The following SPHKAP variants were observed in gnomAD, a reference collection of about 807,000 sequenced individuals.
The protein encoded by SPHKAP is A-kinase anchor protein SPHKAP.
Under a neutral mutation model 137.5 loss-of-function variants are expected in SPHKAP, and 67 were observed. The observed-to-expected ratio is 0.49, with a 90% CI of 0.40 to 0.60. The LOEUF is 0.60. SPHKAP is among the 20% of genes least tolerant of loss of function. The pLI is 0.00. For synonymous variants in SPHKAP, 813 were observed against 785.3 expected (o/e 1.04, Z -0.59); for missense variants, 2,097 against 2,069.3 (o/e 1.01, Z -0.26).
intron 3 of SPHKAP, among the ~76,000 whole-genome samples, chr2:228,040,379 G>T (rs977634969): frequency 2.0e-5 from 3 of 152,136 alleles, no homozygotes; most frequent in Admixed American, 2.0e-4. Context: ...TAAAGAATAT[G>T]ACATTTTCTG....
intron 1 of SPHKAP, among the ~76,000 whole-genome samples, chr2:228,158,029 T>A (rs553150507): frequency 7.9e-5 from 12 of 152,308 alleles, no homozygotes; most frequent in African/African-American, 2.9e-4. Flanking sequence ...TGAAGCTCAC[T>A]GTGACTGACA....
intron 8 of SPHKAP, chr2:227,994,110 C>T (rs1693531161): frequency 1.0e-6 from 1 of 984,028 alleles, no homozygotes; most frequent in African/African-American, 1.7e-5. Context: ...TTCTCAGGGA[C>T]ATTCCATAGG....
intron 3 of SPHKAP, among the ~76,000 whole-genome samples, chr2:228,056,451 G>A (rs956267949): frequency 6.6e-6 from 1 of 152,110 alleles, no homozygotes; most frequent in Non-Finnish European, 1.5e-5. Flanking sequence ...TTATGGTGAA[G>A]TCGTGGCATA....
chr2:227,983,936 T>G (rs1388320875), intron 11 of SPHKAP, among the ~76,000 whole-genome samples: 1 of 152,052 alleles, frequency 6.6e-6, no homozygotes, highest in Non-Finnish European at 1.5e-5. Flanking sequence ...GGGTGAGATG[T>G]GGGGCTGCTT....
At chr2:228,092,332 C>T (rs545376348) in intron 3 of SPHKAP, among the ~76,000 whole-genome samples, 94 of 142,578 alleles carry the variant, frequency 6.6e-4, no homozygotes, top group Middle Eastern at 3.6e-3. Context: ...CGTACACACA[C>T]ACGTGTATGT....
intron 3 of SPHKAP, among the ~76,000 whole-genome samples, chr2:228,082,780 A>G (rs1309945411): frequency 6.6e-6 from 1 of 151,994 alleles, no homozygotes; most frequent in Non-Finnish European, 1.5e-5. Context: ...AGAAAATAAT[A>G]CTCTTTACCC....
chr2:228,075,339 C>T (rs930369122), intron 3 of SPHKAP, among the ~76,000 whole-genome samples: 1 of 152,080 alleles, frequency 6.6e-6, no homozygotes. Flanking sequence ...CCCTTGTTAA[C>T]TTATATCCTG....
chr2:228,089,626 A>C (rs1157170138), intron 3 of SPHKAP, among the ~76,000 whole-genome samples: 1 of 152,222 alleles, frequency 6.6e-6, no homozygotes, highest in Admixed American at 6.5e-5. Context: ...TTCCCATCAC[A>C]GGCCCAGAGG....
rs1351606960 is a variant in SPHKAP, at chr2:228,015,782, T to C, written c.4448+624A>G. 2.6e-5 allele frequency among the ~76,000 whole-genome samples: 4 copies of C among 151,946 alleles called. No individual in the cohort carries two copies. The East Asian group carries it at 7.7e-4, about 29-fold the overall frequency. On this transcript the variant is annotated intron_variant, in intron 7 of 11. Coordinates refer to ENST00000392056, the MANE Select transcript of SPHKAP (RefSeq NM_001142644.2). ...GACACAGTGTCCTTGGCAAGATCTT[T>C]AGAAAAAGACAAAAAACAAAAACAG...
intron 3 of SPHKAP, among the ~76,000 whole-genome samples, chr2:228,108,330 G>T (rs964649909): frequency 2.0e-5 from 3 of 152,116 alleles, no homozygotes; most frequent in African/African-American, 7.2e-5. Context: ...GGAAAAGAAA[G>T]TTTTGTATGT....
chr2:228,096,663 TG>T lies in SPHKAP; in HGVS notation c.246+12168del, dbSNP rs1697994135. Among the ~76,000 whole-genome samples the T allele has an allele frequency of 1.1e-4, 17 of 149,022 alleles. No homozygotes were observed. The East Asian group carries it at 3.3e-3, about 29-fold the overall frequency. On this transcript the variant is annotated intron_variant, in intron 3 of 11. Coordinates refer to ENST00000392056, the MANE Select transcript of SPHKAP (RefSeq NM_001142644.2). ...GTGTGTGTGTGTGTGTGTGTGTGTG[TG>T]TGTCTGCGTGTGTGTCCACTAACAT...
intron 5 of SPHKAP, among the ~76,000 whole-genome samples, chr2:228,023,551 G>T (rs775893539): frequency 7.9e-5 from 12 of 152,350 alleles, no homozygotes; most frequent in Non-Finnish European, 7.3e-5. Context: ...GTAAGCAGAA[G>T]TTGGCTTAAT....
Position 228,105,645 on chromosome 2 carries a change from G to A in SPHKAP, c.246+3187C>T, listed in dbSNP as rs140948576. ...TCCCATGTGTTGTGAGAGGGACCCAGTGGGAGATAATTGAATCATGGGGGT... is the reference window on the plus strand; with the variant it reads ...TCCCATGTGTTGTGAGAGGGACCCAATGGGAGATAATTGAATCATGGGGGT... On this transcript the variant is annotated intron_variant, in intron 3 of 11. Transcript: ENST00000392056. Among the ~76,000 whole-genome samples, 301 of 152,280 alleles carry A rather than the reference G, an allele frequency of 2.0e-3. 1 individual carries two copies. Among genetic ancestry groups the A allele is most frequent in the African/African-American group, 6.8e-3 (282 of 41,568 alleles).
intron 2 of SPHKAP, among the ~76,000 whole-genome samples, chr2:228,114,089 G>C (rs558342687): frequency 3.7e-4 from 56 of 152,226 alleles, no homozygotes; most frequent in Non-Finnish European, 6.6e-4. Flanking sequence ...AGAAGGAAAA[G>C]AGAAAAACTC....
intron 1 of SPHKAP, among the ~76,000 whole-genome samples, chr2:228,135,857 G>C (rs1426273915): frequency 6.6e-6 from 1 of 151,938 alleles, no homozygotes; most frequent in South Asian, 2.1e-4. Context: ...TAAAGCAAAT[G>C]CATCTTCTGA....
At position 228,018,471 on chromosome 2, in the gene SPHKAP, G is replaced by C; in HGVS notation, c.2383C>G (p.Gln795Glu). ...CCTGGCCTCACTCCACCCTTGTCTTGTTTTGAATACATGCCATCCACAAGA... is the reference window on the plus strand; with the variant it reads ...CCTGGCCTCACTCCACCCTTGTCTTCTTTTGAATACATGCCATCCACAAGA... ...NNLVDGMYSK[Q>E]DKGGVRPGLF... Residue 795 changes from glutamine to glutamate, a missense_variant, in exon 7 of 12, where the codon CAA becomes GAA. Gln to Glu is a conservative substitution (Grantham distance 29). Coordinates refer to ENST00000392056, the MANE Select transcript of SPHKAP (RefSeq NM_001142644.2). The C allele has an allele frequency of 1.9e-6, 3 of 1,614,178 alleles. 1 individual carries two copies. Among genetic ancestry groups the C allele is most frequent in the Non-Finnish European group, 8.5e-7 (1 of 1,180,022 alleles).
intron 4 of SPHKAP, 137 bp downstream of exon 4, chr2:228,027,347 G>T: frequency 2.3e-6 from 2 of 886,082 alleles, no homozygotes; most frequent in Non-Finnish European, 3.5e-6. Context: ...AAGTGCTAGG[G>T]AAAGGGTCGG....
chr2:228,150,386 C>T (rs1395479050), intron 1 of SPHKAP, among the ~76,000 whole-genome samples: 1 of 152,068 alleles, frequency 6.6e-6, no homozygotes, highest in Non-Finnish European at 1.5e-5. Flanking sequence ...GCAGAATTCT[C>T]CTGCAAAGCT....
chr2:228,177,979 C>T (rs1452820455), intron 1 of SPHKAP, among the ~76,000 whole-genome samples: 1 of 152,106 alleles, frequency 6.6e-6, no homozygotes, highest in Non-Finnish European at 1.5e-5. Context: ...AAACAGGGAA[C>T]TCTCTTAACA....
Sources: allele counts gnomAD v4.1 joint callset (sites outside exome capture counted in the v4.1 genomes callset), GRCh38; gene constraint gnomAD v4.1.1; transcripts MANE v1.5; gene names NCBI Gene and HGNC (gene_info 2026-07-23, HGNC 2026-07-21).